Variants in GALNT14 observed in about 807,000 individuals in gnomAD.
GALNT14 encodes UDP-GalNAc:polypeptide N-acetylgalactosaminyltransferase 14.
A neutral mutation model predicts 77.5 loss-of-function variants in GALNT14; 60 were observed. The ratio of observed to expected loss-of-function variants is 0.77; its 90% confidence interval spans 0.63 to 0.96. The LOEUF (loss-of-function observed/expected upper bound fraction) is 0.96, where lower values mean the gene tolerates loss of function less well. GALNT14 is among the 40% of genes least tolerant of loss of function. GALNT14 has a pLI of 0.00. For synonymous variants in GALNT14, 280 were observed against 281.7 expected (o/e 0.99, Z 0.06); for missense variants, 710 against 731.0 (o/e 0.97, Z 0.33).
chr2:31,127,842 T>A (rs1678774002), intron 1 of GALNT14, among the ~76,000 whole-genome samples: 2 of 152,178 alleles, frequency 1.3e-5, no homozygotes, highest in Non-Finnish European at 1.5e-5. Flanking sequence ...TAGAAAACCA[T>A]CAGGGCTTCC....
intron 1 of GALNT14, among the ~76,000 whole-genome samples, chr2:31,076,031 C>G (rs1675759913): frequency 6.6e-6 from 1 of 152,230 alleles, no homozygotes; most frequent in African/African-American, 2.4e-5. Context: ...ATCCGTCTAC[C>G]TGGTCAGAAG....
Position 30,910,917 on chromosome 2 carries a change from T to C in GALNT14, c.1643A>G (p.Asp548Gly). 1 of 1,613,936 alleles carries C rather than the reference T, an allele frequency of 6.2e-7. No homozygotes were observed. The highest frequency in any genetic ancestry group is 8.5e-7 in the Non-Finnish European group (1 of 1,179,984). The change falls in exon 15 of 15, where the codon GAC (aspartate) becomes GGC (glycine). Residue 548 changes from aspartate (D) to glycine (G), a missense_variant. Transcript: ENST00000349752. ...CAGGGGTCCTCAAGAGCTCACCATGTCCCAGTGCTGGCTCATGAGTGAGGA... is the reference window on the plus strand; with the variant it reads ...CAGGGGTCCTCAAGAGCTCACCATGCCCCAGTGCTGGCTCATGAGTGAGGA... ...CESSLMSQHW[D>G]MVSS
intron 1 of GALNT14, among the ~76,000 whole-genome samples, chr2:31,117,067 C>T (rs7575804): frequency 0.019 from 2,908 of 151,990 alleles, 98 homozygotes; most frequent in African/African-American, 0.065. Flanking sequence ...AAAGAATATT[C>T]AGGGGCTTTC....
intron 1 of GALNT14, among the ~76,000 whole-genome samples, chr2:31,022,385 C>G (rs964942849): frequency 2.6e-5 from 4 of 152,208 alleles, no homozygotes; most frequent in African/African-American, 9.6e-5. Context: ...TGGGGGTCAG[C>G]CTTCCCTTGG....
At chr2:31,112,680 C>T (rs1023045401) in intron 1 of GALNT14, among the ~76,000 whole-genome samples, 1 of 152,192 alleles carries the variant, frequency 6.6e-6, no homozygotes, top group Non-Finnish European at 1.5e-5. Context: ...ACTTTGTCCC[C>T]CATCCCCTGT....
At chr2:30,920,416 C>T (rs1664957844) in intron 13 of GALNT14, among the ~76,000 whole-genome samples, 1 of 152,094 alleles carries the variant, frequency 6.6e-6, no homozygotes, top group Non-Finnish European at 1.5e-5. Context: ...AGATGTGACT[C>T]CCTCTGGACA....
chr2:31,009,171 AAAG>A (rs1558488587), intron 1 of GALNT14, among the ~76,000 whole-genome samples: 1 of 152,224 alleles, frequency 6.6e-6, no homozygotes, highest in Non-Finnish European at 1.5e-5. Flanking sequence ...AGAAAGAATG[AAAG>A]AAGAACAAAT....
At chr2:30,944,100 C>T (rs1191202619) in intron 8 of GALNT14, among the ~76,000 whole-genome samples, 1 of 152,234 alleles carries the variant, frequency 6.6e-6, no homozygotes, top group African/African-American at 2.4e-5. Context: ...GCTGCCCTGC[C>T]TGAGGCAGGC....
chr2:30,927,247 A>T (rs948221811), intron 11 of GALNT14, among the ~76,000 whole-genome samples: 7 of 152,154 alleles, frequency 4.6e-5, no homozygotes, highest in Non-Finnish European at 1.0e-4. Context: ...AGGGGCACAG[A>T]CTGCAGTCAG....
intron 2 of GALNT14, among the ~76,000 whole-genome samples, chr2:30,973,150 A>G (rs545890745): frequency 6.6e-6 from 1 of 152,228 alleles, no homozygotes; most frequent in Non-Finnish European, 1.5e-5. Context: ...AACATAAAAC[A>G]TAAAGTGGGA....
chr2:30,912,097 C>T, intron 14 of GALNT14, 126 bp downstream of exon 14: 1 of 1,260,022 alleles, frequency 7.9e-7, no homozygotes, highest in Non-Finnish European at 1.1e-6. Flanking sequence ...CCTCCCTCTC[C>T]TGACCTCTCT....
intron 1 of GALNT14, among the ~76,000 whole-genome samples, chr2:31,110,785 G>A (rs1573363768): frequency 1.3e-5 from 2 of 152,124 alleles, no homozygotes; most frequent in Admixed American, 1.3e-4. Flanking sequence ...TTCTCTGAGT[G>A]GGAGAAACTG....
chr2:31,062,384 C>T (rs942059024), intron 1 of GALNT14, among the ~76,000 whole-genome samples: 1 of 152,168 alleles, frequency 6.6e-6, no homozygotes, highest in Admixed American at 6.5e-5. Flanking sequence ...TTACAAAGAA[C>T]ATGAGCTTAT....
At chr2:31,055,044 T>C (rs60848849) in intron 1 of GALNT14, among the ~76,000 whole-genome samples, 1,546 of 152,306 alleles carry the variant, frequency 0.01, 19 homozygotes, top group African/African-American at 0.035. Flanking sequence ...GTTCAGTGCA[T>C]TAAACCATCT....
intron 1 of GALNT14, among the ~76,000 whole-genome samples, chr2:31,032,384 T>A (rs1414198608): frequency 6.6e-6 from 1 of 152,022 alleles, no homozygotes; most frequent in Non-Finnish European, 1.5e-5. Context: ...AGAACAAGAG[T>A]GGCCACGAGG....
chr2:31,134,106 G>A (rs1283256775), intron 1 of GALNT14, among the ~76,000 whole-genome samples: 6 of 152,172 alleles, frequency 3.9e-5, no homozygotes, highest in South Asian at 4.1e-4. Context: ...CTAAGACCAC[G>A]AGGAAAAGAG....
At chr2:31,034,961 C>T (rs186486806) in intron 1 of GALNT14, among the ~76,000 whole-genome samples, 5 of 152,288 alleles carry the variant, frequency 3.3e-5, no homozygotes, top group African/African-American at 9.6e-5. Context: ...GGAAAATCTA[C>T]TTTGTATGAT....
intron 9 of GALNT14, among the ~76,000 whole-genome samples, chr2:30,938,243 T>G (rs192197930): frequency 0.012 from 1,816 of 152,006 alleles, 25 homozygotes; most frequent in South Asian, 0.046. Context: ...ACCCTTCATA[T>G]ATGTGCCAAG....
At chr2:31,012,304 C>A (rs1389274547) in intron 1 of GALNT14, among the ~76,000 whole-genome samples, 1 of 152,200 alleles carries the variant, frequency 6.6e-6, no homozygotes, top group South Asian at 2.1e-4. Flanking sequence ...TTCCATTAAA[C>A]TGCCACCACC....
Sources: gnomAD v4.1 joint callset for allele counts (sites outside exome capture counted in the v4.1 genomes callset) on GRCh38, gnomAD v4.1.1 for gene constraint, MANE v1.5 for transcripts, NCBI Gene and HGNC (gene_info 2026-07-23, HGNC 2026-07-21) for gene names.